Variants in KIAA1328 observed in about 807,000 individuals in gnomAD.
The protein encoded by KIAA1328 is protein hinderin.
In KIAA1328, 52 loss-of-function variants were observed where a neutral mutation model predicts 68.1. That is an observed-to-expected ratio of 0.76 (90% CI 0.61 to 0.96). The LOEUF (loss-of-function observed/expected upper bound fraction) is 0.96, where lower values mean the gene tolerates loss of function less well. Among genes scored for constraint, KIAA1328 ranks in the 40% least tolerant of loss-of-function variants. The pLI, the probability that KIAA1328 is intolerant of heterozygous loss-of-function variation, is 0.00. For missense variants in KIAA1328, 641 were observed against 677.6 expected, an observed-to-expected ratio of 0.95 and a Z score of 0.60; for synonymous variants, 232 against 239.4, an observed-to-expected ratio of 0.97 and a Z score of 0.28.
rs531271840 is a variant in KIAA1328, at chr18:37,043,329, T to A, written c.577-23561T>A. Among the ~76,000 whole-genome samples, 21 of 152,316 alleles carry A rather than the reference T, an allele frequency of 1.4e-4. No individual in the cohort carries two copies. In the South Asian group the frequency reaches 2.3e-3, roughly 17 times the overall value. The stretch of plus-strand genomic sequence containing the variant: ...TTCTGTTTCTTTGCACTTCTTGTAA[T>A]TTTTTATTTGAAAACTGGACATTTG... On this transcript the variant is annotated intron_variant, in intron 6 of 9. Transcript: ENST00000280020.
At chr18:36,936,432 A>G (rs1305410935) in intron 5 of KIAA1328, among the ~76,000 whole-genome samples, 1 of 152,168 alleles carries the variant, frequency 6.6e-6, no homozygotes, top group Non-Finnish European at 1.5e-5. Flanking sequence ...ATCTTCATCC[A>G]TGTCCCTGCA....
At chr18:37,026,308 G>A (rs1599011413) in intron 6 of KIAA1328, among the ~76,000 whole-genome samples, 1 of 152,084 alleles carries the variant, frequency 6.6e-6, no homozygotes. Flanking sequence ...GGAGGAGCTG[G>A]TACCATTCCT....
intron 5 of KIAA1328, among the ~76,000 whole-genome samples, chr18:36,889,398 T>C (rs1456056472): frequency 6.6e-6 from 1 of 152,234 alleles, no homozygotes; most frequent in Non-Finnish European, 1.5e-5. Flanking sequence ...ATATTTAAGC[T>C]AATTGTATTT....
chr18:36,903,503 G>T (rs1292857295), intron 5 of KIAA1328: 1 of 152,098 alleles, frequency 6.6e-6, no homozygotes, highest in Non-Finnish European at 1.5e-5. Flanking sequence ...GGTGACTTTA[G>T]GGGAAATGTT....
chr18:36,936,107 G>T (rs1256806830), intron 5 of KIAA1328, among the ~76,000 whole-genome samples: 1 of 151,990 alleles, frequency 6.6e-6, no homozygotes, highest in Non-Finnish European at 1.5e-5. Context: ...GCATAAATTT[G>T]TATTGCTAGG....
At chr18:37,110,591 G>A (rs1475336047) in intron 7 of KIAA1328, among the ~76,000 whole-genome samples, 7 of 152,038 alleles carry the variant, frequency 4.6e-5, no homozygotes, top group African/African-American at 1.4e-4. Context: ...TCTTTACATT[G>A]ATTTTGGGAT....
intron 7 of KIAA1328, among the ~76,000 whole-genome samples, chr18:37,071,463 A>T (rs890652065): frequency 6.6e-6 from 1 of 152,180 alleles, no homozygotes; most frequent in Non-Finnish European, 1.5e-5. Flanking sequence ...GATTGAAAAT[A>T]GTTGGGGGCA....
chr18:36,901,569 T>C (rs576825254), intron 5 of KIAA1328, among the ~76,000 whole-genome samples: 1 of 152,152 alleles, frequency 6.6e-6, no homozygotes, highest in South Asian at 2.1e-4. Context: ...GAACATGAAG[T>C]CACTGCCAGT....
At chr18:36,900,864 C>T (rs1261994034) in intron 5 of KIAA1328, among the ~76,000 whole-genome samples, 1 of 151,918 alleles carries the variant, frequency 6.6e-6, no homozygotes, top group African/African-American at 2.4e-5. Flanking sequence ...GCTTTTCCAT[C>T]CCCTAAATGG....
intron 6 of KIAA1328, among the ~76,000 whole-genome samples, chr18:37,002,674 T>C (rs536379385): frequency 1.3e-5 from 2 of 152,096 alleles, no homozygotes; most frequent in East Asian, 3.9e-4. Context: ...CTGTAAAATA[T>C]TGATGGAAGC....
chr18:36,842,433 G>A (rs1043062256), intron 3 of KIAA1328, among the ~76,000 whole-genome samples: 8 of 152,098 alleles, frequency 5.3e-5, no homozygotes, highest in African/African-American at 1.4e-4. Flanking sequence ...TCTTTGTGTT[G>A]GCAGAGTTCA....
At chr18:36,896,739 T>C (rs1054436748) in intron 5 of KIAA1328, among the ~76,000 whole-genome samples, 1 of 152,182 alleles carries the variant, frequency 6.6e-6, no homozygotes, top group Non-Finnish European at 1.5e-5. Flanking sequence ...TTTAAATAAA[T>C]CAATCTCATA....
chr18:37,127,301 TTAAAAAACACACAC>T (rs2058416553), intron 7 of KIAA1328, among the ~76,000 whole-genome samples: 1 of 152,162 alleles, frequency 6.6e-6, no homozygotes, highest in Non-Finnish European at 1.5e-5. Context: ...TTGCAGTTTT[TTAAAAAACACACAC>T]GTTCATAATA....
intron 5 of KIAA1328, among the ~76,000 whole-genome samples, chr18:36,887,685 G>A (rs756549964): frequency 2.0e-5 from 3 of 152,160 alleles, no homozygotes; most frequent in Admixed American, 6.5e-5. Flanking sequence ...CTAAGAAAGT[G>A]AGCATTTAGC....
intron 7 of KIAA1328, among the ~76,000 whole-genome samples, chr18:37,119,283 A>C (rs2058206004): frequency 6.6e-6 from 1 of 152,164 alleles, no homozygotes; most frequent in Non-Finnish European, 1.5e-5. Flanking sequence ...GCTTGAATGA[A>C]TGCTGTGGTA....
intron 6 of KIAA1328, among the ~76,000 whole-genome samples, chr18:37,008,675 G>A (rs1218306029): frequency 6.6e-6 from 1 of 152,172 alleles, no homozygotes; most frequent in African/African-American, 2.4e-5. Context: ...GAAATTAATG[G>A]ATAGAAGTTC....
chr18:36,986,228 G>A (rs536611008), intron 6 of KIAA1328, among the ~76,000 whole-genome samples: 1 of 151,776 alleles, frequency 6.6e-6, no homozygotes, highest in Non-Finnish European at 1.5e-5. Flanking sequence ...ATAAATTGTG[G>A]TATATCTATA....
Position 37,222,585 on chromosome 18 carries a change from T to C in KIAA1328, c.*358T>C, listed in dbSNP as rs2060583877. On this transcript the variant is annotated 3_prime_UTR_variant, in exon 10 of 10. Coordinates refer to ENST00000280020, the MANE Select transcript of KIAA1328 (RefSeq NM_020776.3). ...GCTAGAAAATGCTGACTCACTTTTA[T>C]ATACAAGAAAAACCTTTCCACTGAA... 4.7e-6 allele frequency: 5 copies of C among 1,073,762 alleles called. No individual in the cohort carries two copies. Among genetic ancestry groups the C allele is most frequent in the Non-Finnish European group, 5.7e-6 (5 of 884,662 alleles). The allele number at this position is 1,073,762 out of a possible 1,614,324, so 66.5% of individuals were successfully genotyped here.
chr18:36,858,533 T>A (rs1328842727), intron 4 of KIAA1328, among the ~76,000 whole-genome samples: 1 of 152,220 alleles, frequency 6.6e-6, no homozygotes, highest in Non-Finnish European at 1.5e-5. Context: ...AATTAGCCTA[T>A]CAACTTTGTT....
Sources: allele counts gnomAD v4.1 joint callset (sites outside exome capture counted in the v4.1 genomes callset), GRCh38; gene constraint gnomAD v4.1.1; transcripts MANE v1.5; gene names NCBI Gene and HGNC (gene_info 2026-07-23, HGNC 2026-07-21).